ZMYND11: variants seen among roughly 807,000 people sequenced by gnomAD.
ZMYND11 encodes the protein zinc finger MYND-type containing 11.
In ZMYND11, 9 loss-of-function variants were observed where a neutral mutation model predicts 84.9. That is an observed-to-expected ratio of 0.11 (90% CI 0.06 to 0.18). ZMYND11 has a LOEUF of 0.18. ZMYND11 is among the 10% of genes least tolerant of loss of function. The pLI is 1.00. For synonymous variants in ZMYND11, 250 were observed against 244.1 expected, an observed-to-expected ratio of 1.02 and a Z score of -0.23; for missense variants, 409 against 761.0, an observed-to-expected ratio of 0.54 and a Z score of 5.44.
At chr10:228,503 T>C (rs2131544256) in intron 4 of ZMYND11, among the ~76,000 whole-genome samples, 1 of 152,310 alleles carries the variant, frequency 6.6e-6, no homozygotes, top group African/African-American at 2.4e-5. Context: ...ACAAAGTACA[T>C]GCAGTTTCCT....
At chr10:235,995 GTTCT>G (rs1424099854) in intron 4 of ZMYND11, among the ~76,000 whole-genome samples, 2 of 152,178 alleles carry the variant, frequency 1.3e-5, no homozygotes, top group African/African-American at 4.8e-5. Context: ...TATGCTTACA[GTTCT>G]TTCAGGAAGA....
intron 13 of ZMYND11, 113 bp from the exon 14 acceptor site, chr10:248,790 T>C: frequency 2.8e-6 from 4 of 1,428,780 alleles, no homozygotes; most frequent in Non-Finnish European, 3.7e-6. Context: ...TTTACACATG[T>C]AATGAAGGGG....
chr10:235,053 T>G (rs968060298), intron 4 of ZMYND11, among the ~76,000 whole-genome samples: 2 of 151,906 alleles, frequency 1.3e-5, no homozygotes, highest in Non-Finnish European at 2.9e-5. Flanking sequence ...TGGTTTTAAG[T>G]GTTCTCACTA....
chr10:174,063 C>T (rs1406622521), intron 1 of ZMYND11, among the ~76,000 whole-genome samples: 2 of 152,132 alleles, frequency 1.3e-5, no homozygotes, highest in Non-Finnish European at 1.5e-5. Flanking sequence ...GGTATTTACC[C>T]TTATGAATTG....
chr10:161,055 C>A lies in ZMYND11; in HGVS notation c.-19-18939C>A, dbSNP rs11250564. 1.9e-3 allele frequency among the ~76,000 whole-genome samples: 285 copies of A among 147,258 alleles called. 1 individual carries two copies. The highest frequency in any genetic ancestry group is 1.6e-3 in the Non-Finnish European group (109 of 67,454). On this transcript the variant is annotated intron_variant, in intron 1 of 14. Transcript: ENST00000381604. Reference sequence around the variant, plus strand: ...GGGCTGACTGCAGCCTTGAACTCTTCGGCTCAAGTGATCCTCCTGCCTCGG... The same window carrying A: ...GGGCTGACTGCAGCCTTGAACTCTTAGGCTCAAGTGATCCTCCTGCCTCGG...
chr10:169,404 G>C (rs1844756437), intron 1 of ZMYND11, among the ~76,000 whole-genome samples: 1 of 151,970 alleles, frequency 6.6e-6, no homozygotes, highest in South Asian at 2.1e-4. Context: ...AAAATCACAA[G>C]GCCTACTAAA....
chr10:245,478 A>T (rs1479251838), intron 10 of ZMYND11, among the ~76,000 whole-genome samples: 1 of 152,336 alleles, frequency 6.6e-6, no homozygotes, highest in South Asian at 2.1e-4. Flanking sequence ...GTGATATCAT[A>T]TATACTTATA....
intron 1 of ZMYND11, among the ~76,000 whole-genome samples, chr10:158,954 T>G (rs2131443886): frequency 6.6e-6 from 1 of 151,368 alleles, no homozygotes; most frequent in Admixed American, 6.6e-5. Flanking sequence ...TAGAACTTCT[T>G]TATCAGATAT....
intron 14 of ZMYND11, chr10:249,570 TCTAA>T: frequency 1.3e-5 from 13 of 985,188 alleles, no homozygotes; most frequent in African/African-American, 1.7e-5. Context: ...CTCATTGGTC[TCTAA>T]CTACCCTCCC....
At chr10:185,826 A>AC (rs1420727532) in intron 2 of ZMYND11, among the ~76,000 whole-genome samples, 23 of 150,904 alleles carry the variant, frequency 1.5e-4, no homozygotes, top group Admixed American at 3.3e-4. Flanking sequence ...AAAAACAAAA[A>AC]AACAAAAAAA....
intron 2 of ZMYND11, among the ~76,000 whole-genome samples, chr10:188,016 A>G (rs1328975535): frequency 6.6e-6 from 1 of 152,234 alleles, no homozygotes; most frequent in Non-Finnish European, 1.5e-5. Flanking sequence ...GTGTGAAGAT[A>G]AGCACAGGCA....
At chr10:237,533 TTACC>T in intron 5 of ZMYND11, 48 bp from the exon 6 acceptor site, 4 of 1,144,240 alleles carry the variant, frequency 3.5e-6, no homozygotes, top group Non-Finnish European at 5.1e-6. Flanking sequence ...AATTGATGTC[TTACC>T]TGCCTTCCTT....
At chr10:165,134 C>T (rs1018428615) in intron 1 of ZMYND11, among the ~76,000 whole-genome samples, 1 of 152,032 alleles carries the variant, frequency 6.6e-6, no homozygotes, top group Non-Finnish European at 1.5e-5. Flanking sequence ...CTCCTTAACC[C>T]ACTCCAGTCC....
chr10:218,559 G>A, intron 3 of ZMYND11: 1 of 280,414 alleles, frequency 3.6e-6, no homozygotes, highest in Non-Finnish European at 7.4e-6. Flanking sequence ...TTGTATTGTA[G>A]TTTCTCTTTT....
intron 2 of ZMYND11, among the ~76,000 whole-genome samples, chr10:191,974 GTTATC>G (rs1352894118): frequency 6.6e-6 from 1 of 152,174 alleles, no homozygotes; most frequent in East Asian, 1.9e-4. Flanking sequence ...TATGACTTAC[GTTATC>G]TTATTTACCC....
At chr10:133,278 T>C (rs981318736), upstream of ZMYND11, among the ~76,000 whole-genome samples, 1 of 152,346 alleles carries the variant, frequency 6.6e-6, no homozygotes, top group East Asian at 1.9e-4. Context: ...AGAATAGCTG[T>C]CAGTATTTAT....
At chr10:142,349 T>C (rs1837687485) in intron 1 of ZMYND11, among the ~76,000 whole-genome samples, 1 of 152,202 alleles carries the variant, frequency 6.6e-6, no homozygotes, top group Admixed American at 6.5e-5. Flanking sequence ...TGACTCGTTC[T>C]CAAAGTGTTA....
At chr10:229,800 G>C (rs1948696351) in intron 4 of ZMYND11, among the ~76,000 whole-genome samples, 1 of 152,194 alleles carries the variant, frequency 6.6e-6, no homozygotes, top group African/African-American at 2.4e-5. Flanking sequence ...CGCTGGACCA[G>C]CTTCACTTTT....
intron 5 of ZMYND11, 57 bp from the exon 6 acceptor site, chr10:237,528 A>G: frequency 9.5e-7 from 1 of 1,047,488 alleles, no homozygotes; most frequent in South Asian, 1.5e-5. Context: ...TTAGGAATTG[A>G]TGTCTTACCT....
Sources: gnomAD v4.1 joint callset for allele counts (sites outside exome capture counted in the v4.1 genomes callset) on GRCh38, gnomAD v4.1.1 for gene constraint, MANE v1.5 for transcripts, NCBI Gene and HGNC (gene_info 2026-07-23, HGNC 2026-07-21) for gene names.